Variants in ZUP1 observed in about 807,000 individuals in gnomAD.
ZUP1 encodes the protein zinc finger containing ubiquitin peptidase 1.
In ZUP1, 55 loss-of-function variants were observed where a neutral mutation model predicts 68.1. The ratio of observed to expected loss-of-function variants is 0.81; its 90% confidence interval spans 0.65 to 1.01. ZUP1 has a LOEUF of 1.01. Among genes scored for constraint, ZUP1 ranks in the 50% least tolerant of loss-of-function variants. The probability of loss-of-function intolerance (pLI) is 0.00; values close to 1 mark genes in which losing one functional copy is unlikely to be tolerated. For synonymous variants in ZUP1, 223 were observed against 221.5 expected, an observed-to-expected ratio of 1.01 and a Z score of -0.06; for missense variants, 684 against 674.9, an observed-to-expected ratio of 1.01 and a Z score of -0.15.
At chr6:116,638,965 C>T (rs1280662455) in intron 9 of ZUP1, among the ~76,000 whole-genome samples, 1 of 152,198 alleles carries the variant, frequency 6.6e-6, no homozygotes, top group Non-Finnish European at 1.5e-5. Context: ...GCACCTGGAA[C>T]ATCGGGCCAC....
In ZUP1 at chr6:116,656,916, T is replaced by G. The variant is rs1381482056; in HGVS notation, c.793-64A>C. On this transcript the variant is annotated intron_variant, in intron 4 of 9. Transcript: ENST00000368576. ...CCTGTAACTCTATGAGGATGGAAAC[T>G]TATTAAAATTTTATTTGGAAACATG... The G allele has an allele frequency of 3.6e-6, 4 of 1,100,728 alleles. No homozygotes were observed. The African/African-American group carries it at 6.5e-5, about 18-fold the overall frequency. 68.2% of individuals were successfully genotyped at this position (1,100,728 alleles called of 1,614,324 possible).
intron 2 of ZUP1, 56 bp downstream of exon 2, chr6:116,666,578 C>T (rs1257022081): frequency 5.6e-6 from 8 of 1,421,834 alleles, no homozygotes; most frequent in South Asian, 1.6e-5. Flanking sequence ...TTTTAAAATA[C>T]CACATATTAA....
chr6:116,657,812 C>T (rs1170132087), intron 4 of ZUP1, among the ~76,000 whole-genome samples: 1 of 152,118 alleles, frequency 6.6e-6, no homozygotes, highest in Non-Finnish European at 1.5e-5. Context: ...AGCAATAGGC[C>T]AGGCACGGTG....
At chr6:116,641,181 T>G (rs1776085708) in intron 9 of ZUP1, among the ~76,000 whole-genome samples, 2 of 148,790 alleles carry the variant, frequency 1.3e-5, no homozygotes, top group Non-Finnish European at 3.0e-5. Flanking sequence ...GCACCCAGAT[T>G]CATAAAGCAA....
At position 116,663,954 on chromosome 6, in the gene ZUP1, A is replaced by G. The variant is rs183568825; in HGVS notation, c.559+2680T>C. 1.1e-3 allele frequency among the ~76,000 whole-genome samples: 174 copies of G among 152,214 alleles called. 1 individual carries two copies. The highest frequency in any genetic ancestry group is 0.01 in the Admixed American group (156 of 15,290). ...ATAGTAAGACCTTGTCTCAAAAAATATAAAATAAAATAATATTAGTAATAG... is the reference window on the plus strand; with the variant it reads ...ATAGTAAGACCTTGTCTCAAAAAATGTAAAATAAAATAATATTAGTAATAG... On this transcript the variant is annotated intron_variant, in intron 2 of 9. Transcript: ENST00000368576.
chr6:116,651,992 G>A lies in ZUP1; in HGVS notation c.1150+12C>T. 6.2e-7 allele frequency: 1 copy of A among 1,612,480 alleles called. No homozygotes were observed. Among genetic ancestry groups the A allele is most frequent in the East Asian group, 2.2e-5 (1 of 44,848 alleles). Reference sequence around the variant, plus strand: ...ATCAGATGACAAGTTCAGAGTACTAGATTTCACATACCTTTTAAGCAATCG... The same window carrying A: ...ATCAGATGACAAGTTCAGAGTACTAAATTTCACATACCTTTTAAGCAATCG... On this transcript the variant is annotated intron_variant, in intron 6 of 9. Coordinates refer to ENST00000368576, the MANE Select transcript of ZUP1 (RefSeq NM_145062.3).
At chr6:116,666,457 A>C (rs568567362) in intron 2 of ZUP1, among the ~76,000 whole-genome samples, 177 bp downstream of exon 2, 1 of 152,372 alleles carries the variant, frequency 6.6e-6, no homozygotes, top group Non-Finnish European at 1.5e-5. Flanking sequence ...ATCTGCATTA[A>C]AATTCTTTTC....
intron 3 of ZUP1, among the ~76,000 whole-genome samples, chr6:116,659,658 C>T (rs773365464): frequency 1.3e-5 from 2 of 151,790 alleles, no homozygotes; most frequent in Non-Finnish European, 2.9e-5. Context: ...TACACATTTA[C>T]AAAGTGCAGG....
chr6:116,644,328 C>G (rs561869636), intron 9 of ZUP1, among the ~76,000 whole-genome samples: 62 of 152,260 alleles, frequency 4.1e-4, no homozygotes, highest in African/African-American at 1.4e-3. Context: ...ACCCAGCCAT[C>G]CTATTACTGG....
chr6:116,649,221 G>A (rs1021467155), intron 7 of ZUP1, among the ~76,000 whole-genome samples: 7 of 151,862 alleles, frequency 4.6e-5, no homozygotes, highest in African/African-American at 1.7e-4. Context: ...AATCAATGTG[G>A]TAAAAAGAAT....
intron 9 of ZUP1, among the ~76,000 whole-genome samples, chr6:116,643,859 G>A (rs1361807181): frequency 6.6e-6 from 1 of 152,164 alleles, no homozygotes; most frequent in African/African-American, 2.4e-5. Flanking sequence ...AAACTACAGA[G>A]CTTCTGCACA....
intron 9 of ZUP1, among the ~76,000 whole-genome samples, chr6:116,644,507 C>T (rs1336290207): frequency 1.3e-5 from 2 of 152,008 alleles, no homozygotes; most frequent in African/African-American, 2.4e-5. Context: ...TACTATGCAG[C>T]CATAAAAAAT....
At chr6:116,641,227 C>T (rs1354768166) in intron 9 of ZUP1, among the ~76,000 whole-genome samples, 3 of 151,478 alleles carry the variant, frequency 2.0e-5, no homozygotes, top group Non-Finnish European at 2.9e-5. Context: ...TAGACTCCCA[C>T]ACAATAATAA....
At position 116,658,553 on chromosome 6, in the gene ZUP1, T is replaced by C. The variant is rs147738701; in HGVS notation, c.792+250A>G. ...CATTCTCTGTCTCCATTTCTTCATC[T>C]GAAAAAAAAGGGGGCGTGGGAGGGC... On this transcript the variant is annotated intron_variant, in intron 4 of 9. Transcript: ENST00000368576. 4.8e-3 allele frequency among the ~76,000 whole-genome samples: 733 copies of C among 152,226 alleles called. 5 individuals are homozygous for C. The highest frequency in any genetic ancestry group is 8.2e-3 in the Admixed American group (125 of 15,290).
rs1318230480 is a variant in ZUP1 at position 116,658,823 on chromosome 6, C to T, written c.772G>A (p.Glu258Lys). 1.3e-6 allele frequency: 2 copies of T among 1,595,702 alleles called. No individual in the cohort carries two copies. Among genetic ancestry groups the T allele is most frequent in the Non-Finnish European group, 1.7e-6 (2 of 1,168,470 alleles). Reference sequence around the variant, plus strand: ...TGTACCTGCAGCTTCTGAAATTCTTCTATTTCTTGTCTTGATTCTTCAGAT... The same window carrying T: ...TGTACCTGCAGCTTCTGAAATTCTTTTATTTCTTGTCTTGATTCTTCAGAT... ...RRSEESRQEI[E>K]EFQKLQRQYG... is the part of the protein sequence containing the mutation. The change falls in exon 4 of 10, where the codon GAA (glutamate) becomes AAA (lysine). Residue 258 changes from glutamate to lysine, a missense_variant. Physicochemically the swap from Glu to Lys is moderately conservative, Grantham distance 56. Coordinates refer to ENST00000368576, the MANE Select transcript of ZUP1 (RefSeq NM_145062.3).
At chr6:116,652,953 A>T (rs1309113267) in intron 5 of ZUP1, among the ~76,000 whole-genome samples, 1 of 152,084 alleles carries the variant, frequency 6.6e-6, no homozygotes, top group Non-Finnish European at 1.5e-5. Context: ...AACACATTAA[A>T]CATAATTTGG....
At chr6:116,658,442 T>C (rs1776732848) in intron 4 of ZUP1, among the ~76,000 whole-genome samples, 1 of 152,212 alleles carries the variant, frequency 6.6e-6, no homozygotes, top group Non-Finnish European at 1.5e-5. Context: ...GAGTCTTGGT[T>C]TCCTAATTTG....
chr6:116,651,663 C>A lies in ZUP1; in HGVS notation c.1225G>T (p.Gly409Trp), dbSNP rs754412333. The change falls in exon 7 of 10, where the codon GGG (glycine) becomes TGG (tryptophan). Residue 409 changes from glycine to tryptophan, a missense_variant. By Grantham distance (184) the Gly-to-Trp change is radical (BLOSUM62 -2). Transcript: ENST00000368576. ...AACCTGTTATTAAGTTGAGAGGCCC[C>A]CTGAGGATCAAAACCTTCCTTCCAT... Reference protein sequence around the residue: ...DAWKEGFDPQGASQLNNRLQG... With the variant: ...DAWKEGFDPQWASQLNNRLQG... 1 of 1,613,832 alleles carries A rather than the reference C, an allele frequency of 6.2e-7. No homozygotes were observed. The highest frequency in any genetic ancestry group is 8.5e-7 in the Non-Finnish European group (1 of 1,179,844).
At chr6:116,664,313 C>T (rs1776932599) in intron 2 of ZUP1, among the ~76,000 whole-genome samples, 1 of 150,094 alleles carries the variant, frequency 6.7e-6, no homozygotes, top group African/African-American at 2.5e-5. Flanking sequence ...CAGTGGTAAT[C>T]CCAGCTACTT....
Sources: gnomAD v4.1 joint callset for allele counts (sites outside exome capture counted in the v4.1 genomes callset) on GRCh38, gnomAD v4.1.1 for gene constraint, MANE v1.5 for transcripts, NCBI Gene and HGNC (gene_info 2026-07-23, HGNC 2026-07-21) for gene names.